Variants in NTF3 observed in about 807,000 individuals in gnomAD.
NTF3 encodes the protein neurotrophin-3.
In NTF3, 8 loss-of-function variants were observed where a neutral mutation model predicts 26.3. The observed-to-expected ratio is 0.30, with a 90% CI of 0.18 to 0.55. The LOEUF (loss-of-function observed/expected upper bound fraction) is 0.55. Among genes scored for constraint, NTF3 ranks in the 20% least tolerant of loss-of-function variants. The pLI is 0.93. For synonymous variants in NTF3, 154 were observed against 145.5 expected, an observed-to-expected ratio of 1.06 and a Z score of -0.42; for missense variants, 276 against 352.9, an observed-to-expected ratio of 0.78 and a Z score of 1.75.
intron 1 of NTF3, among the ~76,000 whole-genome samples, chr12:5,439,357 C>G (rs1940210341): frequency 1.3e-5 from 2 of 152,206 alleles, no homozygotes; most frequent in African/African-American, 4.8e-5. Context: ...TCTTGGCTTT[C>G]CAGCCTGAAG....
At chr12:5,466,924 C>T (rs1490071560) in intron 1 of NTF3, among the ~76,000 whole-genome samples, 2 of 151,998 alleles carry the variant, frequency 1.3e-5, no homozygotes, top group Non-Finnish European at 2.9e-5. Context: ...TGAATTCTCC[C>T]TCATACCCTT....
chr12:5,466,063 T>G (rs1374920661), intron 1 of NTF3, among the ~76,000 whole-genome samples: 3 of 152,154 alleles, frequency 2.0e-5, no homozygotes, highest in Non-Finnish European at 4.4e-5. Flanking sequence ...TGTCTCAGCC[T>G]CCCTGAAGAA....
intron 1 of NTF3, among the ~76,000 whole-genome samples, chr12:5,443,275 C>G (rs1211338030): frequency 1.3e-5 from 2 of 152,164 alleles, no homozygotes; most frequent in African/African-American, 4.8e-5. Flanking sequence ...CCCCCCATCC[C>G]CGACCCTGCA....
rs1940459284 is a variant in NTF3 at position 5,456,899 on chromosome 12, C to A, written c.18+24557C>A. On this transcript the variant is annotated intron_variant, in intron 1 of 1. Coordinates refer to ENST00000423158, the MANE Select transcript of NTF3 (RefSeq NM_001102654.2). This position sits in a 1 kb window ranked among gnomAD's most constrained non-coding sequence, Gnocchi z 4.4. ...TAGCTACCATGAGTGTGCTGAGTGG[C>A]CCATAGGGGCAGGTATGAGAGAGGT... is the stretch of plus-strand genomic sequence containing the variant. Among the ~76,000 whole-genome samples the A allele has an allele frequency of 6.6e-6, 1 of 152,140 alleles. No individual in the cohort carries two copies. Among genetic ancestry groups the A allele is most frequent in the African/African-American group, 2.4e-5 (1 of 41,440 alleles).
intron 1 of NTF3, among the ~76,000 whole-genome samples, chr12:5,491,707 TCTC>T (rs1362127866): frequency 6.9e-6 from 1 of 145,424 alleles, no homozygotes; most frequent in East Asian, 2.0e-4. Flanking sequence ...CCTGTGGGTC[TCTC>T]CTCTTCTTTT....
chr12:5,490,617 T>C (rs1940924156), intron 1 of NTF3, among the ~76,000 whole-genome samples: 1 of 152,202 alleles, frequency 6.6e-6, no homozygotes, highest in African/African-American at 2.4e-5. Flanking sequence ...ATGAAGGTAT[T>C]GGTGGCCAAA....
chr12:5,448,264 A>G (rs1018397073), intron 1 of NTF3, among the ~76,000 whole-genome samples: 3 of 152,266 alleles, frequency 2.0e-5, no homozygotes, highest in Admixed American at 6.5e-5. Context: ...TATGTCTTTG[A>G]GATTATTAAA....
At chr12:5,435,314 G>T (rs1292542756) in intron 1 of NTF3, among the ~76,000 whole-genome samples, 1 of 152,240 alleles carries the variant, frequency 6.6e-6, no homozygotes, top group Non-Finnish European at 1.5e-5. Context: ...GGGTACTGGG[G>T]CATGGCACAC....
chr12:5,459,809 T>C (rs1447715982), intron 1 of NTF3, among the ~76,000 whole-genome samples: 1 of 152,206 alleles, frequency 6.6e-6, no homozygotes, highest in African/African-American at 2.4e-5. Flanking sequence ...AGTTCTTTCT[T>C]CTCTAGCATG....
At chr12:5,452,385 G>A (rs542304911) in intron 1 of NTF3, among the ~76,000 whole-genome samples, 5 of 152,202 alleles carry the variant, frequency 3.3e-5, no homozygotes, top group South Asian at 2.1e-4. Context: ...GTGAGCCACC[G>A]CGCCTGGCCC....
intron 1 of NTF3, among the ~76,000 whole-genome samples, chr12:5,489,356 A>G (rs1041567947): frequency 6.6e-6 from 1 of 152,100 alleles, no homozygotes; most frequent in Non-Finnish European, 1.5e-5. Context: ...CTGGAAGTAA[A>G]CTCTCTAGAA....
chr12:5,459,585 T>C (rs1360263650), intron 1 of NTF3, among the ~76,000 whole-genome samples: 1 of 152,216 alleles, frequency 6.6e-6, no homozygotes, highest in Non-Finnish European at 1.5e-5. Flanking sequence ...CGTCATTGCC[T>C]GGCTGTGAAA....
intron 1 of NTF3, among the ~76,000 whole-genome samples, chr12:5,461,860 T>A (rs2121192106): frequency 6.6e-6 from 1 of 152,340 alleles, no homozygotes; most frequent in African/African-American, 2.4e-5. Context: ...CCACGACTCT[T>A]ATTTTGGAAT....
At chr12:5,492,790 A>T (rs1940954129) in intron 1 of NTF3, among the ~76,000 whole-genome samples, 1 of 152,204 alleles carries the variant, frequency 6.6e-6, no homozygotes, top group Non-Finnish European at 1.5e-5. Context: ...GCTGGGAAAG[A>T]GGCTGTCTGT....
chr12:5,439,083 A>G (rs2121141165), intron 1 of NTF3, among the ~76,000 whole-genome samples: 1 of 152,286 alleles, frequency 6.6e-6, no homozygotes, highest in East Asian at 1.9e-4. Context: ...CAGAGCTGAA[A>G]GGGGTGGGAT....
In NTF3 at chr12:5,492,546, A is replaced by G. The variant is rs528475209; in HGVS notation, c.19-1648A>G. On this transcript the variant is annotated intron_variant, in intron 1 of 1. Transcript: ENST00000423158. ...ATAGGAGGGAGATTCCTTATGCTGT[A>G]GAGGAACCATTTTCCTAGGATAGTA... 1.3e-4 allele frequency among the ~76,000 whole-genome samples: 20 copies of G among 152,342 alleles called. 1 individual carries two copies. In the South Asian group the frequency reaches 3.9e-3, roughly 30 times the overall value.
chr12:5,476,146 C>T (rs1015335564), intron 1 of NTF3, among the ~76,000 whole-genome samples: 1 of 152,090 alleles, frequency 6.6e-6, no homozygotes. Flanking sequence ...CCTGGTTGAC[C>T]CAGGGCAGTC....
intron 1 of NTF3, among the ~76,000 whole-genome samples, chr12:5,458,890 C>T (rs998265986): frequency 8.5e-5 from 13 of 152,084 alleles, no homozygotes; most frequent in African/African-American, 2.4e-4. Flanking sequence ...CACGTGCACA[C>T]GCACACTGAC....
At chr12:5,438,948 G>A (rs573519623) in intron 1 of NTF3, among the ~76,000 whole-genome samples, 66 of 152,268 alleles carry the variant, frequency 4.3e-4, no homozygotes, top group African/African-American at 1.5e-3. Context: ...CGCCCTTAAC[G>A]AGCTCCTGTT....
Sources: allele counts gnomAD v4.1 joint callset (sites outside exome capture counted in the v4.1 genomes callset), GRCh38; gene constraint gnomAD v4.1.1; non-coding constraint Gnocchi (gnomAD v3.1); transcripts MANE v1.5; gene names NCBI Gene and HGNC (gene_info 2026-07-23, HGNC 2026-07-21).